The following SPDYE10 variants were observed in gnomAD, a reference collection of about 807,000 sequenced individuals.
The protein encoded by SPDYE10 is speedy/RINGO cell cycle regulator family member E10.
the SPDYE10 span, among the ~76,000 whole-genome samples, chr7:73,154,745 C>T: frequency 2.7e-5 from 4 of 150,886 alleles, no homozygotes; most frequent in South Asian, 8.3e-4. Context: ...GGTGCCCGCG[C>T]TCCTGCATTT....
chr7:73,155,172 C>G, the SPDYE10 span: 1 of 139,542 alleles, frequency 7.2e-6, no homozygotes, highest in Non-Finnish European at 1.5e-5. Context: ...GCGGAGGGGG[C>G]GGGGGCCGCG....
chr7:73,154,783 G>A, the SPDYE10 span, among the ~76,000 whole-genome samples: 5 of 151,344 alleles, frequency 3.3e-5, no homozygotes, highest in Non-Finnish European at 7.4e-5. Flanking sequence ...CGGTAGCTCC[G>A]GCCGCCCAGC....
chr7:73,115,319 T>C, the SPDYE10 span, among the ~76,000 whole-genome samples: 3 of 152,128 alleles, frequency 2.0e-5, no homozygotes, highest in Admixed American at 6.5e-5. Flanking sequence ...CCCTTTTTAC[T>C]CCTTTCTTTC....
the SPDYE10 span, among the ~76,000 whole-genome samples, chr7:73,116,886 C>A: frequency 1.3e-5 from 2 of 150,568 alleles, no homozygotes; most frequent in Non-Finnish European, 2.9e-5. Flanking sequence ...CAGCCTCAGC[C>A]TAACAGATTT....
the SPDYE10 span, among the ~76,000 whole-genome samples, chr7:73,113,800 C>G: frequency 1.3e-5 from 2 of 151,866 alleles, no homozygotes; most frequent in African/African-American, 4.9e-5. Flanking sequence ...CTTTGGGAGG[C>G]CAAGGAGGGT....
At chr7:73,116,949 G>T in the SPDYE10 span, among the ~76,000 whole-genome samples, 10 of 151,996 alleles carry the variant, frequency 6.6e-5, no homozygotes, top group African/African-American at 2.4e-4. Context: ...AGGCTGGAGT[G>T]CAGTGGTGCA....
the SPDYE10 span, among the ~76,000 whole-genome samples, chr7:73,143,027 G>GAAGT: frequency 6.7e-6 from 1 of 148,716 alleles, no homozygotes; most frequent in South Asian, 2.1e-4. Flanking sequence ...AGGAAGGAAG[G>GAAGT]AAGGAAAGAA....
chr7:73,113,893 G>A, the SPDYE10 span, among the ~76,000 whole-genome samples: 4 of 152,026 alleles, frequency 2.6e-5, no homozygotes, highest in African/African-American at 9.7e-5. Flanking sequence ...AGGCATGGTT[G>A]CGGGCACCTG....
the SPDYE10 span, among the ~76,000 whole-genome samples, chr7:73,142,720 T>G: frequency 6.6e-6 from 1 of 152,018 alleles, no homozygotes; most frequent in Non-Finnish European, 1.5e-5. Flanking sequence ...GTGGATCACT[T>G]AAGGTCAGGA....
At chr7:73,124,651 C>CA in the SPDYE10 span, among the ~76,000 whole-genome samples, 1 of 145,572 alleles carries the variant, frequency 6.9e-6, no homozygotes, top group Non-Finnish European at 1.5e-5. Context: ...ATTCCGTAGA[C>CA]AGAGGCTCAT....
the SPDYE10 span, among the ~76,000 whole-genome samples, chr7:73,114,954 T>A: frequency 6.6e-6 from 1 of 151,300 alleles, no homozygotes; most frequent in Non-Finnish European, 1.5e-5. Flanking sequence ...TCATCCAGGC[T>A]GGAGTGCACT....
the SPDYE10 span, chr7:73,104,458 C>A: frequency 1.0e-5 from 1 of 95,918 alleles, no homozygotes; most frequent in African/African-American, 3.6e-5. Flanking sequence ...AGCATCTATT[C>A]AAAAATACCA....
chr7:73,132,573 T>C, the SPDYE10 span, among the ~76,000 whole-genome samples: 1 of 138,114 alleles, frequency 7.2e-6, no homozygotes, highest in Admixed American at 7.6e-5. Context: ...AAAATAGATC[T>C]GAGGACCATT....
the SPDYE10 span, among the ~76,000 whole-genome samples, chr7:73,123,098 G>GTCTC: frequency 8.5e-5 from 13 of 152,136 alleles, no homozygotes; most frequent in Non-Finnish European, 1.3e-4. Context: ...AGATGGCATT[G>GTCTC]TCTCTGCTTT....
chr7:73,127,556 A>T, the SPDYE10 span, among the ~76,000 whole-genome samples: 15 of 62,234 alleles, frequency 2.4e-4, 1 homozygote, highest in African/African-American at 7.1e-4. Context: ...GTGAAGAAGG[A>T]AAAAAGAGAA....
chr7:73,126,909 G>GTTTT, the SPDYE10 span, among the ~76,000 whole-genome samples: 31 of 68,800 alleles, frequency 4.5e-4, no homozygotes, highest in East Asian at 5.3e-3. Flanking sequence ...GTTGTTGGTG[G>GTTTT]TTTTTTTTTT....
At chr7:73,126,731 G>A in the SPDYE10 span, among the ~76,000 whole-genome samples, 1 of 147,264 alleles carries the variant, frequency 6.8e-6, no homozygotes, top group Non-Finnish European at 1.5e-5. Flanking sequence ...AGGCTGGAGT[G>A]CAGTGGTGCA....
the SPDYE10 span, among the ~76,000 whole-genome samples, chr7:73,150,814 TAA>T: frequency 1.4e-5 from 1 of 73,182 alleles, no homozygotes; most frequent in Non-Finnish European, 2.4e-5. Flanking sequence ...GAGAATTGCT[TAA>T]ACCCAAGAGG....
the SPDYE10 span, among the ~76,000 whole-genome samples, chr7:73,115,087 G>T: frequency 2.0e-5 from 3 of 151,598 alleles, no homozygotes; most frequent in African/African-American, 4.9e-5. Flanking sequence ...GTAGAGATGG[G>T]GTTTCACCAT....
Sources: gnomAD v4.1 joint callset for allele counts (sites outside exome capture counted in the v4.1 genomes callset) on GRCh38, gnomAD v4.1.1 for gene constraint, MANE v1.5 for transcripts, NCBI Gene and HGNC (gene_info 2026-07-23, HGNC 2026-07-21) for gene names.